TSPAN15: variants seen among roughly 807,000 people sequenced by gnomAD.
TSPAN15 encodes the protein tetraspanin-15.
In TSPAN15, 20 loss-of-function variants were observed where a neutral mutation model predicts 34.5. The observed-to-expected ratio is 0.58, with a 90% confidence interval of 0.41 to 0.84. The LOEUF (loss-of-function observed/expected upper bound fraction) is 0.84, where lower values mean the gene tolerates loss of function less well. Among genes scored for constraint, TSPAN15 ranks in the 40% least tolerant of loss-of-function variants. The pLI is 0.00. For synonymous variants in TSPAN15, 155 were observed against 153.9 expected, an observed-to-expected ratio of 1.01 and a Z score of -0.05; for missense variants, 313 against 386.1, an observed-to-expected ratio of 0.81 and a Z score of 1.59.
At chr10:69,532,592 G>A in the TSPAN15 span, among the ~76,000 whole-genome samples, 43 of 152,208 alleles carry the variant, frequency 2.8e-4, no homozygotes, top group African/African-American at 9.2e-4. Context: ...AGATAACATC[G>A]GACAAACCCT....
chr10:69,538,765 T>C, the TSPAN15 span, among the ~76,000 whole-genome samples: 1 of 152,222 alleles, frequency 6.6e-6, no homozygotes, highest in Non-Finnish European at 1.5e-5. Flanking sequence ...TTCCTTCCTG[T>C]GTGTTGAGAG....
At chr10:69,481,265 C>G (rs570690598) in intron 1 of TSPAN15, among the ~76,000 whole-genome samples, 4 of 152,218 alleles carry the variant, frequency 2.6e-5, no homozygotes, top group Non-Finnish European at 4.4e-5. Context: ...TTGTCAGTGT[C>G]TTGAGTCCCT....
chr10:69,461,170 A>G (rs916086557), intron 1 of TSPAN15, among the ~76,000 whole-genome samples: 2 of 152,174 alleles, frequency 1.3e-5, no homozygotes, highest in African/African-American at 4.8e-5. Flanking sequence ...GAATGACCCC[A>G]TGTGCCTTGT....
chr10:69,496,301 C>A (rs1451763496), intron 4 of TSPAN15, among the ~76,000 whole-genome samples: 1 of 148,164 alleles, frequency 6.7e-6, no homozygotes, highest in Middle Eastern at 3.5e-3. Context: ...CCCTCTAGGT[C>A]CACCCAAATC....
chr10:69,516,023 G>A, the TSPAN15 span, among the ~76,000 whole-genome samples: 1 of 152,202 alleles, frequency 6.6e-6, no homozygotes, highest in Non-Finnish European at 1.5e-5. Flanking sequence ...GACTAAAAGA[G>A]TGATCATTTT....
chr10:69,504,124 G>C (rs561161099), intron 5 of TSPAN15, among the ~76,000 whole-genome samples: 2 of 152,210 alleles, frequency 1.3e-5, no homozygotes, highest in Non-Finnish European at 2.9e-5. Flanking sequence ...GGTGCTCTGG[G>C]GCGGTCATAG....
intron 3 of TSPAN15, among the ~76,000 whole-genome samples, chr10:69,487,081 A>G (rs1841870325): frequency 6.6e-6 from 1 of 151,670 alleles, no homozygotes; most frequent in South Asian, 2.1e-4. Context: ...GCGGCTTTCC[A>G]GGGGCTACGG....
the TSPAN15 span, among the ~76,000 whole-genome samples, chr10:69,549,391 A>G: frequency 1.3e-5 from 2 of 152,196 alleles, no homozygotes; most frequent in African/African-American, 4.8e-5. Flanking sequence ...TCCCTATGGT[A>G]TATAAACCCT....
chr10:69,539,429 G>GA, the TSPAN15 span, among the ~76,000 whole-genome samples: 72 of 129,248 alleles, frequency 5.6e-4, 2 homozygotes, highest in African/African-American at 1.7e-3. Flanking sequence ...GAAGAAGAAA[G>GA]AAGAAGAAGA....
At chr10:69,541,011 A>T in the TSPAN15 span, among the ~76,000 whole-genome samples, 1 of 152,054 alleles carries the variant, frequency 6.6e-6, no homozygotes, top group African/African-American at 2.4e-5. Flanking sequence ...AAAGGAGAAC[A>T]TCCCCAGACT....
At chr10:69,497,336 T>C (rs922927507) in intron 4 of TSPAN15, among the ~76,000 whole-genome samples, 1 of 152,214 alleles carries the variant, frequency 6.6e-6, no homozygotes, top group African/African-American at 2.4e-5. Flanking sequence ...AAGCTTTGCA[T>C]GGTCCAGCCT....
At chr10:69,465,157 C>T (rs954919012) in intron 1 of TSPAN15, among the ~76,000 whole-genome samples, 4 of 152,214 alleles carry the variant, frequency 2.6e-5, no homozygotes, top group African/African-American at 7.2e-5. Flanking sequence ...CAGGCCTGGC[C>T]AGAGTCTCCC....
In TSPAN15 at chr10:69,498,301, G is replaced by A; in HGVS notation, c.475G>A (p.Asp159Asn). The change falls in exon 5 of 8, where the codon GAC becomes AAC. Residue 159 changes from aspartate to asparagine, a missense_variant. Asp to Asn is a conservative substitution (Grantham distance 23, BLOSUM62 1). Transcript: ENST00000373290. ...TCAGTTCAAGTGCTGTGGCGGGGAG[G>A]ACTACCGAGATTGGAGCAAGAATCA... is the stretch of plus-strand genomic sequence containing the variant. ...QKKFKCCGGE[D>N]YRDWSKNQYH... The A allele has an allele frequency of 1.9e-6, 3 of 1,613,818 alleles. No individual in the cohort carries two copies. Among genetic ancestry groups the A allele is most frequent in the Non-Finnish European group, 2.5e-6 (3 of 1,179,992 alleles).
At chr10:69,468,950 T>C (rs1361898602) in intron 1 of TSPAN15, among the ~76,000 whole-genome samples, 1 of 151,154 alleles carries the variant, frequency 6.6e-6, no homozygotes, top group Non-Finnish European at 1.5e-5. Context: ...TGAGCCCGTT[T>C]AGTCACACCT....
the TSPAN15 span, among the ~76,000 whole-genome samples, chr10:69,530,779 A>ACTCTCTTT: frequency 5.7e-3 from 287 of 49,920 alleles, 36 homozygotes; most frequent in East Asian, 0.031. Flanking sequence ...ACAGAGTGAG[A>ACTCTCTTT]CTCTCTCTCT....
the TSPAN15 span, among the ~76,000 whole-genome samples, chr10:69,541,188 T>C: frequency 6.6e-6 from 1 of 152,040 alleles, no homozygotes; most frequent in African/African-American, 2.4e-5. Context: ...CTGGGGGCAG[T>C]TCATACTGGA....
At chr10:69,545,358 C>T in the TSPAN15 span, among the ~76,000 whole-genome samples, 3 of 152,172 alleles carry the variant, frequency 2.0e-5, no homozygotes, top group Non-Finnish European at 4.4e-5. Context: ...CATCTCTGTT[C>T]TCAGAATACT....
the TSPAN15 span, among the ~76,000 whole-genome samples, chr10:69,528,772 G>C: frequency 6.7e-6 from 1 of 148,424 alleles, no homozygotes; most frequent in African/African-American, 2.4e-5. Context: ...TGCTAGCAGA[G>C]AGGAGACCCT....
rs1489750617 is a variant in TSPAN15 at position 69,498,290 on chromosome 10, G to A, written c.464G>A (p.Cys155Tyr). 3 of 1,613,714 alleles carry A rather than the reference G, an allele frequency of 1.9e-6. No individual in the cohort carries two copies. Among genetic ancestry groups the A allele is most frequent in the Middle Eastern group, 1.7e-4 (1 of 6,060 alleles). Residue 155 changes from cysteine to tyrosine, a missense_variant, in exon 5 of 8, where the codon TGT becomes TAT. Transcript: ENST00000373290. ...MDFVQKKFKC[C>Y]GGEDYRDWSK... ...GCTTGCTTCCCTCAGTTCAAGTGCT[G>A]TGGCGGGGAGGACTACCGAGATTGG...
Sources: allele counts gnomAD v4.1 joint callset (sites outside exome capture counted in the v4.1 genomes callset), GRCh38; gene constraint gnomAD v4.1.1; transcripts MANE v1.5; gene names NCBI Gene and HGNC (gene_info 2026-07-23, HGNC 2026-07-21).